GRID1: variants seen among roughly 807,000 people sequenced by gnomAD.
GRID1 encodes the protein glutamate receptor ionotropic, delta-1.
Under a neutral mutation model 98.0 loss-of-function variants are expected in GRID1, and 28 were observed. That is an observed-to-expected ratio of 0.29 (90% confidence interval 0.21 to 0.39). GRID1 has a LOEUF of 0.39. Ranked by LOEUF, GRID1 falls within the 10% of genes least tolerant of loss-of-function variation. The pLI, the probability that GRID1 is intolerant of heterozygous loss-of-function variation, is 1.00. For synonymous variants in GRID1, 553 were observed against 538.5 expected, an observed-to-expected ratio of 1.03 and a Z score of -0.37; for missense variants, 1,111 against 1,340.5, an observed-to-expected ratio of 0.83 and a Z score of 2.67.
intron 5 of GRID1, among the ~76,000 whole-genome samples, chr10:85,915,669 CACAA>C (rs1427433289): frequency 2.0e-5 from 3 of 151,852 alleles, no homozygotes; most frequent in African/African-American, 4.9e-5. Flanking sequence ...ACAACTCATA[CACAA>C]ACACACATAC....
chr10:86,113,086 T>C (rs1481097164), intron 4 of GRID1, among the ~76,000 whole-genome samples: 2 of 152,238 alleles, frequency 1.3e-5, no homozygotes, highest in Non-Finnish European at 2.9e-5. Flanking sequence ...CTTACTCATC[T>C]GATGCATGCA....
intron 8 of GRID1, among the ~76,000 whole-genome samples, chr10:85,808,707 C>A (rs1219564148): frequency 1.3e-5 from 2 of 152,026 alleles, no homozygotes; most frequent in African/African-American, 4.8e-5. Context: ...TCAATAGGAC[C>A]AAGATGATTT....
At chr10:85,869,726 C>T (rs906187064) in intron 5 of GRID1, among the ~76,000 whole-genome samples, 1 of 152,170 alleles carries the variant, frequency 6.6e-6, no homozygotes, top group African/African-American at 2.4e-5. Flanking sequence ...CTGTACTAAG[C>T]ACTGTGGATA....
intron 8 of GRID1, among the ~76,000 whole-genome samples, chr10:85,743,105 G>GGCCCCC (rs1841961027): frequency 1.2e-5 from 1 of 82,670 alleles, no homozygotes; most frequent in African/African-American, 3.9e-5. Context: ...GAATTATGCA[G>GGCCCCC]CCCCCCCCCC....
Position 86,339,576 on chromosome 10 carries a change from G to A in GRID1, c.235+24365C>T, listed in dbSNP as rs1270285706. On this transcript the variant is annotated intron_variant, in intron 2 of 15. Coordinates refer to ENST00000327946, the MANE Select transcript of GRID1 (RefSeq NM_017551.3). ...CCGCTGGGGAGGAGAACCTAGAGCCGGCCCTCAGGCATGGCCATGTGAGCA... is the reference window on the plus strand; with the variant it reads ...CCGCTGGGGAGGAGAACCTAGAGCCAGCCCTCAGGCATGGCCATGTGAGCA... 2.6e-5 allele frequency among the ~76,000 whole-genome samples: 4 copies of A among 152,354 alleles called. No individual in the cohort carries two copies. The East Asian group carries it at 5.8e-4, about 22-fold the overall frequency.
intron 4 of GRID1, among the ~76,000 whole-genome samples, chr10:85,971,422 A>G (rs1842405910): frequency 6.6e-6 from 1 of 152,144 alleles, no homozygotes; most frequent in South Asian, 2.1e-4. Context: ...CAAGGTATTC[A>G]TAATACATAT....
intron 4 of GRID1, among the ~76,000 whole-genome samples, chr10:86,053,635 T>C (rs1278280234): frequency 2.6e-5 from 4 of 152,170 alleles, no homozygotes; most frequent in Non-Finnish European, 5.9e-5. Flanking sequence ...ATTACAGGCA[T>C]GAGCCACCAT....
intron 8 of GRID1, among the ~76,000 whole-genome samples, chr10:85,786,285 C>A (rs1165442123): frequency 6.6e-6 from 1 of 152,192 alleles, no homozygotes; most frequent in Non-Finnish European, 1.5e-5. Context: ...AACCACACAC[C>A]AGACACTGCA....
intron 8 of GRID1, among the ~76,000 whole-genome samples, chr10:85,813,277 A>G (rs1330426134): frequency 6.6e-6 from 1 of 151,634 alleles, no homozygotes; most frequent in African/African-American, 2.4e-5. Flanking sequence ...CACAAAGAAA[A>G]CCATGTCTAC....
chr10:85,698,511 C>T (rs1329775992), intron 12 of GRID1, among the ~76,000 whole-genome samples: 1 of 151,558 alleles, frequency 6.6e-6, no homozygotes, highest in Non-Finnish European at 1.5e-5. Flanking sequence ...TTCTTTTTAG[C>T]ACTGAATCAT....
chr10:85,854,651 G>A (rs1431150889), intron 7 of GRID1, 36 bp from the exon 8 acceptor site: 4 of 1,613,072 alleles, frequency 2.5e-6, no homozygotes, highest in Admixed American at 3.3e-5. Flanking sequence ...GGAAAATCTG[G>A]TTAAGGTAGA....
intron 2 of GRID1, among the ~76,000 whole-genome samples, chr10:86,329,435 C>A (rs1848105490): frequency 6.6e-6 from 1 of 152,184 alleles, no homozygotes; most frequent in Non-Finnish European, 1.5e-5. Context: ...TCCATGGAAG[C>A]CAGGAGGAAG....
chr10:86,167,231 G>A (rs188588113), intron 3 of GRID1, among the ~76,000 whole-genome samples: 75 of 152,324 alleles, frequency 4.9e-4, no homozygotes, highest in Admixed American at 1.8e-3. Context: ...CTGGGAGGGT[G>A]TCCATCCAGT....
intron 4 of GRID1, among the ~76,000 whole-genome samples, chr10:85,965,616 T>A (rs1842326602): frequency 6.6e-6 from 1 of 151,902 alleles, no homozygotes; most frequent in Non-Finnish European, 1.5e-5. Flanking sequence ...GAGAGGAACA[T>A]CACACACCAG....
intron 4 of GRID1, among the ~76,000 whole-genome samples, chr10:86,097,150 G>C (rs1193683639): frequency 2.0e-5 from 3 of 152,178 alleles, no homozygotes; most frequent in Admixed American, 2.0e-4. Context: ...CTTCAGACTT[G>C]GACTGAGCCA....
Position 86,139,022 on chromosome 10 carries a change from T to G in GRID1, c.523A>C (p.Ile175Leu), listed in dbSNP as rs147826442. The G allele has an allele frequency of 1.2e-6, 2 of 1,609,868 alleles. No homozygotes were observed. Among genetic ancestry groups the G allele is most frequent in the Non-Finnish European group, 1.7e-6 (2 of 1,176,138 alleles). Reference protein sequence around the residue: ...FVMFYDSEYDIRGLQSFLDQA... With the variant: ...FVMFYDSEYDLRGLQSFLDQA... ...TCCAGAAAGCTTTGAAGCCCACGGA[T>G]ATCTGAGCAGTGAGAGAAGAGGAGG... is the stretch of plus-strand genomic sequence containing the variant. The change falls in exon 4 of 16, where the codon ATC (isoleucine) becomes CTC (leucine). Residue 175 changes from isoleucine to leucine, a missense_variant and splice_region_variant. Physicochemically the swap from Ile to Leu is conservative, Grantham distance 5 (BLOSUM62 2). This residue lies in a region of GRID1 where 346 missense variants were observed against 452.3 expected (regional missense o/e 0.76). Transcript: ENST00000327946.
chr10:85,733,803 GT>G (rs1383308675), intron 8 of GRID1, among the ~76,000 whole-genome samples: 1 of 152,044 alleles, frequency 6.6e-6, no homozygotes, highest in Admixed American at 6.6e-5. Flanking sequence ...CCTCAATTAT[GT>G]TTTTTTAAAA....
At chr10:86,070,763 C>T (rs1843792123) in intron 4 of GRID1, among the ~76,000 whole-genome samples, 1 of 152,220 alleles carries the variant, frequency 6.6e-6, no homozygotes, top group African/African-American at 2.4e-5. Flanking sequence ...CATTCATTGA[C>T]TATTCCAGGC....
At chr10:86,056,531 C>A (rs1230271428) in intron 4 of GRID1, among the ~76,000 whole-genome samples, 2 of 152,168 alleles carry the variant, frequency 1.3e-5, no homozygotes, top group Non-Finnish European at 2.9e-5. Context: ...TTCCTACTCC[C>A]ACCTGTCCCC....
Sources: gnomAD v4.1 joint callset for allele counts (sites outside exome capture counted in the v4.1 genomes callset) on GRCh38, gnomAD v4.1.1 for gene constraint, gnomAD v4.1.1 regional missense constraint, MANE v1.5 for transcripts, NCBI Gene and HGNC (gene_info 2026-07-23, HGNC 2026-07-21) for gene names.